The following CDC14B variants were observed in gnomAD, a reference collection of about 807,000 sequenced individuals.
CDC14B encodes dual specificity protein phosphatase CDC14B.
In CDC14B, 22 loss-of-function variants were observed where a neutral mutation model predicts 64.2. The observed-to-expected ratio is 0.34, with a 90% CI of 0.24 to 0.49. The LOEUF is 0.49. Ranked by LOEUF, CDC14B falls within the 20% of genes least tolerant of loss-of-function variation. The pLI, the probability that CDC14B is intolerant of heterozygous loss-of-function variation, is 0.99. For missense variants in CDC14B, 498 were observed against 629.9 expected (o/e 0.79, Z 2.24); for synonymous variants, 191 against 215.8 (o/e 0.89, Z 1.01).
At chr9:96,559,030 T>G (rs1432085096) in intron 4 of CDC14B, among the ~76,000 whole-genome samples, 1 of 152,210 alleles carries the variant, frequency 6.6e-6, no homozygotes, top group Non-Finnish European at 1.5e-5. Context: ...CTCAACTCAC[T>G]CTTCTCACTT....
At chr9:96,601,528 C>A (rs1729035204) in intron 1 of CDC14B, among the ~76,000 whole-genome samples, 1 of 148,360 alleles carries the variant, frequency 6.7e-6, no homozygotes, top group Non-Finnish European at 1.5e-5. Context: ...CCGGGCGTGG[C>A]ACACCTGTAG....
chr9:96,563,315 T>TGA (rs1843465068), intron 3 of CDC14B, among the ~76,000 whole-genome samples: 1 of 152,166 alleles, frequency 6.6e-6, no homozygotes, highest in African/African-American at 2.4e-5. Flanking sequence ...TGAAAGTTTA[T>TGA]TGAGCTCTAC....
At chr9:96,587,405 G>A (rs1317911890) in intron 1 of CDC14B, among the ~76,000 whole-genome samples, 1 of 152,282 alleles carries the variant, frequency 6.6e-6, no homozygotes, top group Non-Finnish European at 1.5e-5. Context: ...GGGGGATCCT[G>A]ACAGACAAAA....
At chr9:96,512,765 G>A (rs767645341) in intron 12 of CDC14B, among the ~76,000 whole-genome samples, 2 of 152,076 alleles carry the variant, frequency 1.3e-5, no homozygotes, top group Non-Finnish European at 2.9e-5. Context: ...AGCCCAGGCC[G>A]GGGCACTCGT....
At chr9:96,527,905 G>A (rs1173715945) in intron 9 of CDC14B, among the ~76,000 whole-genome samples, 8 of 151,922 alleles carry the variant, frequency 5.3e-5, no homozygotes, top group African/African-American at 1.9e-4. Context: ...GTGAGCCACC[G>A]TGCCCAGCCA....
intron 5 of CDC14B, among the ~76,000 whole-genome samples, chr9:96,549,442 G>A (rs982222764): frequency 6.6e-6 from 1 of 151,980 alleles, no homozygotes; most frequent in East Asian, 1.9e-4. Context: ...TGAGGCGGGC[G>A]GATCATGAGG....
intron 1 of CDC14B, among the ~76,000 whole-genome samples, chr9:96,572,443 T>A (rs895238863): frequency 6.6e-6 from 1 of 152,068 alleles, no homozygotes; most frequent in African/African-American, 2.4e-5. Flanking sequence ...CCAACTGGTG[T>A]CTGCCACAGA....
intron 1 of CDC14B, among the ~76,000 whole-genome samples, chr9:96,605,899 A>G (rs1846880561): frequency 6.6e-6 from 1 of 152,080 alleles, no homozygotes; most frequent in Non-Finnish European, 1.5e-5. Context: ...AAATAGTTAC[A>G]ACGAAGCAGC....
At chr9:96,549,848 T>A (rs1025816754) in intron 5 of CDC14B, among the ~76,000 whole-genome samples, 4 of 152,192 alleles carry the variant, frequency 2.6e-5, no homozygotes, top group African/African-American at 9.7e-5. Context: ...CTTTAATAAT[T>A]TGAAACATAG....
At chr9:96,553,657 G>C (rs917341769) in intron 4 of CDC14B, among the ~76,000 whole-genome samples, 1 of 151,752 alleles carries the variant, frequency 6.6e-6, no homozygotes, top group African/African-American at 2.4e-5. Context: ...CACCATGTCC[G>C]GCCTACACAC....
At chr9:96,593,611 G>A (rs947842861) in intron 1 of CDC14B, among the ~76,000 whole-genome samples, 37 of 152,118 alleles carry the variant, frequency 2.4e-4, no homozygotes, top group Middle Eastern at 3.4e-3. Context: ...TTCGTGGAAG[G>A]CAAGTGGATC....
intron 1 of CDC14B, among the ~76,000 whole-genome samples, chr9:96,596,364 C>CAAAA (rs113025946): frequency 1.4e-5 from 1 of 74,068 alleles, no homozygotes; most frequent in Admixed American, 1.5e-4. Context: ...GACTCCATCT[C>CAAAA]AAAAAAAAAA....
At chr9:96,493,439 G>T (rs1196811135) in intron 13 of CDC14B, among the ~76,000 whole-genome samples, 1 of 152,248 alleles carries the variant, frequency 6.6e-6, no homozygotes, top group Non-Finnish European at 1.5e-5. Context: ...CCCACAGGGG[G>T]CCTGTGTTGT....
chr9:96,520,353 G>C (rs142535615), intron 12 of CDC14B, among the ~76,000 whole-genome samples: 1 of 152,204 alleles, frequency 6.6e-6, no homozygotes, highest in East Asian at 1.9e-4. Flanking sequence ...CATTGTACTT[G>C]ATTTTACTTA....
intron 5 of CDC14B, among the ~76,000 whole-genome samples, chr9:96,550,363 C>A (rs1841624464): frequency 6.6e-6 from 1 of 152,180 alleles, no homozygotes; most frequent in South Asian, 2.1e-4. Flanking sequence ...CTTCAGACTG[C>A]CCTGACAAAT....
At chr9:96,510,929 A>C (rs1312525974) in intron 12 of CDC14B, among the ~76,000 whole-genome samples, 1 of 152,166 alleles carries the variant, frequency 6.6e-6, no homozygotes, top group Non-Finnish European at 1.5e-5. Flanking sequence ...CTTTTCTTCA[A>C]GAGATAATCA....
chr9:96,570,821 C>G (rs925352790), intron 1 of CDC14B, among the ~76,000 whole-genome samples: 2 of 152,154 alleles, frequency 1.3e-5, no homozygotes. Flanking sequence ...GAGTGACTAA[C>G]CTGCACAAGG....
intron 9 of CDC14B, among the ~76,000 whole-genome samples, chr9:96,530,233 C>T (rs1336649954): frequency 6.6e-6 from 1 of 150,760 alleles, no homozygotes; most frequent in African/African-American, 2.4e-5. Flanking sequence ...CTTTGCTGAA[C>T]TCATTTATTA....
At chr9:96,584,999 C>T (rs938162346) in intron 1 of CDC14B, among the ~76,000 whole-genome samples, 10 of 152,122 alleles carry the variant, frequency 6.6e-5, no homozygotes, top group Non-Finnish European at 1.5e-4. Context: ...ATTGCCTTAT[C>T]GGAAGCAAAA....
Sources: gnomAD v4.1 joint callset for allele counts (sites outside exome capture counted in the v4.1 genomes callset) on GRCh38, gnomAD v4.1.1 for gene constraint, MANE v1.5 for transcripts, NCBI Gene and HGNC (gene_info 2026-07-23, HGNC 2026-07-21) for gene names.